RALGAPA2: variants seen among roughly 807,000 people sequenced by gnomAD.
RALGAPA2 encodes the protein Ral GTPase activating protein catalytic subunit alpha 2.
RALGAPA2 carries 139 observed loss-of-function variants against 230.4 expected under a neutral mutation model. The ratio of observed to expected loss-of-function variants is 0.60; its 90% CI spans 0.53 to 0.69. The LOEUF is 0.69. Among genes scored for constraint, RALGAPA2 ranks in the 30% least tolerant of loss-of-function variants. The probability of loss-of-function intolerance (pLI) is 0.00; values close to 1 mark genes in which losing one functional copy is unlikely to be tolerated. For missense variants in RALGAPA2, 2,163 were observed against 2,276.0 expected (o/e 0.95, Z 1.01); for synonymous variants, 847 against 837.8 (o/e 1.01, Z -0.19).
intron 27 of RALGAPA2, among the ~76,000 whole-genome samples, chr20:20,531,259 A>G (rs2063358910): frequency 6.6e-6 from 1 of 152,214 alleles, no homozygotes; most frequent in African/African-American, 2.4e-5. Context: ...CTCATTAACA[A>G]AACAAAGAAA....
intron 17 of RALGAPA2, among the ~76,000 whole-genome samples, chr20:20,590,053 T>C (rs2065242605): frequency 6.6e-6 from 1 of 151,536 alleles, no homozygotes; most frequent in African/African-American, 2.4e-5. Flanking sequence ...TTGAAATATG[T>C]GTATACACTG....
rs373227779 is a variant in RALGAPA2, at chr20:20,526,265, C to T, written c.3680G>A (p.Arg1227Gln). 2.8e-5 allele frequency: 45 copies of T among 1,596,440 alleles called. No individual in the cohort carries two copies. Among genetic ancestry groups the T allele is most frequent in the East Asian group, 2.0e-4 (9 of 44,716 alleles). ...KLQMFETSLP[R>Q]KMAEILVATV... The stretch of plus-strand genomic sequence containing the variant: ...AAAAAGACTTACTTCTGCCATTTTC[C>T]GAGGCAGAGAGGTTTCAAACATCTG... Residue 1227 changes from arginine to glutamine, a missense_variant, in exon 28 of 40, where the codon CGG becomes CAG. Physicochemically the swap from Arg to Gln is conservative, Grantham distance 43. Transcript: ENST00000202677.
rs946061266 is a variant in RALGAPA2, at chr20:20,424,882, A to C, written c.5496-12734T>G. Among the ~76,000 whole-genome samples, 3 of 152,304 alleles carry C rather than the reference A, an allele frequency of 2.0e-5. No homozygotes were observed. The South Asian group carries it at 6.2e-4, about 32-fold the overall frequency. On this transcript the variant is annotated intron_variant, in intron 37 of 39. Coordinates refer to ENST00000202677, the MANE Select transcript of RALGAPA2 (RefSeq NM_020343.4). ...GTGGCAAAGTATAAAAAGAGTAGAC[A>C]ATTAAAGAGCAACACACATGAATTG...
intron 9 of RALGAPA2, among the ~76,000 whole-genome samples, chr20:20,629,891 G>C (rs1390366762): frequency 6.6e-6 from 1 of 152,194 alleles, no homozygotes; most frequent in East Asian, 1.9e-4. Flanking sequence ...TAAAACCACA[G>C]AATAAATTAA....
chr20:20,676,427 AG>A, intron 2 of RALGAPA2, 139 bp from the exon 3 acceptor site: 1 of 541,946 alleles, frequency 1.8e-6, no homozygotes, highest in South Asian at 2.6e-5. Flanking sequence ...GGCAGTATGG[AG>A]AACACATTAG....
At chr20:20,518,199 G>C (rs1253111995) in intron 31 of RALGAPA2, among the ~76,000 whole-genome samples, 1 of 152,048 alleles carries the variant, frequency 6.6e-6, no homozygotes, top group Non-Finnish European at 1.5e-5. Flanking sequence ...GGGACTACAG[G>C]CACCTGCCAC....
At chr20:20,575,179 C>G (rs921755380) in intron 20 of RALGAPA2, among the ~76,000 whole-genome samples, 6 of 152,186 alleles carry the variant, frequency 3.9e-5, no homozygotes, top group African/African-American at 1.2e-4. Flanking sequence ...TAATCTCATA[C>G]AGATTTACTG....
chr20:20,523,777 T>C (rs567078517), intron 30 of RALGAPA2, among the ~76,000 whole-genome samples: 10 of 152,286 alleles, frequency 6.6e-5, no homozygotes, highest in African/African-American at 2.4e-4. Context: ...AATGTAGATA[T>C]CCCTATAATA....
At chr20:20,706,777 A>G (rs971814232) in intron 1 of RALGAPA2, among the ~76,000 whole-genome samples, 7 of 152,204 alleles carry the variant, frequency 4.6e-5, no homozygotes, top group Non-Finnish European at 7.3e-5. Context: ...TTTGAATCAG[A>G]TAACTAGCAG....
intron 38 of RALGAPA2, among the ~76,000 whole-genome samples, chr20:20,405,780 CCACTTT>C (rs879660416): frequency 6.6e-6 from 1 of 152,160 alleles, no homozygotes; most frequent in African/African-American, 2.4e-5. Flanking sequence ...TGTCGGTGGC[CCACTTT>C]CACTAAGAGA....
intron 9 of RALGAPA2, 194 bp downstream of exon 9, chr20:20,635,224 T>C (rs1394627560): frequency 3.2e-6 from 2 of 622,802 alleles, no homozygotes; most frequent in Non-Finnish European, 5.6e-6. Flanking sequence ...GTCCCAACAA[T>C]GCACAGCAAG....
chr20:20,397,692 CAG>C (rs1491346436), intron 38 of RALGAPA2, among the ~76,000 whole-genome samples: 2 of 152,378 alleles, frequency 1.3e-5, no homozygotes, highest in East Asian at 3.9e-4. Context: ...GGCACAGTGA[CAG>C]GGGCAAACTT....
At chr20:20,659,082 T>C (rs773404971) in intron 3 of RALGAPA2, among the ~76,000 whole-genome samples, 1 of 152,220 alleles carries the variant, frequency 6.6e-6, no homozygotes, top group Non-Finnish European at 1.5e-5. Flanking sequence ...AAAACAGATT[T>C]GGTTTAAAAG....
chr20:20,458,755 C>CACCTATATATATACAG (rs1569417929), intron 37 of RALGAPA2, among the ~76,000 whole-genome samples: 1 of 1,174 alleles, frequency 8.5e-4, no homozygotes, highest in African/African-American at 3.1e-3. Flanking sequence ...TATACATACA[C>CACCTATATATATACAG]ACCTATATAT....
chr20:20,529,121 TC>T (rs1265839830), intron 27 of RALGAPA2, among the ~76,000 whole-genome samples: 1 of 152,164 alleles, frequency 6.6e-6, no homozygotes, highest in Non-Finnish European at 1.5e-5. Context: ...GAGGGAGGTG[TC>T]CTCAGAGACC....
chr20:20,589,126 G>C, intron 18 of RALGAPA2, 142 bp downstream of exon 18: 1 of 1,173,826 alleles, frequency 8.5e-7, no homozygotes, highest in Non-Finnish European at 1.1e-6. Context: ...AATCTTAAAA[G>C]ATCTCAACAT....
intron 2 of RALGAPA2, among the ~76,000 whole-genome samples, chr20:20,676,652 C>T (rs929444134): frequency 1.3e-5 from 2 of 152,144 alleles, no homozygotes; most frequent in African/African-American, 4.8e-5. Flanking sequence ...TATAAAAAGT[C>T]ATAGAGCAGA....
At chr20:20,483,838 G>C (rs1337440482) in intron 36 of RALGAPA2, among the ~76,000 whole-genome samples, 1 of 152,076 alleles carries the variant, frequency 6.6e-6, no homozygotes, top group African/African-American at 2.4e-5. Flanking sequence ...AAATAATGAA[G>C]GATAAAAATG....
rs373807348 is a variant in RALGAPA2, at chr20:20,591,313, T to C, written c.2205A>G (p.Glu735=). 5 of 1,612,518 alleles carry C rather than the reference T, an allele frequency of 3.1e-6. No homozygotes were observed. Among genetic ancestry groups the C allele is most frequent in the Non-Finnish European group, 4.2e-6 (5 of 1,178,970 alleles). ...ARNIVRQKAT[E]VEECQQSENA... ...TTTCTGACTGTTGACACTCCTCCAC[T>C]TCTGTGAGCATTAACAAAACATGCA... The change falls in exon 17 of 40, where the codon GAA becomes GAG. Residue 735 remains glutamate, a splice_region_variant and synonymous_variant. Transcript: ENST00000202677.
Sources: allele counts gnomAD v4.1 joint callset (sites outside exome capture counted in the v4.1 genomes callset), GRCh38; gene constraint gnomAD v4.1.1; transcripts MANE v1.5; gene names NCBI Gene and HGNC (gene_info 2026-07-23, HGNC 2026-07-21).